Variants in RPAP3 observed in about 807,000 individuals in gnomAD.
RPAP3 encodes RNA polymerase II-associated protein 3.
RPAP3 carries 58 observed loss-of-function variants against 88.8 expected under a neutral mutation model. The ratio of observed to expected loss-of-function variants is 0.65; its 90% confidence interval spans 0.53 to 0.81. RPAP3 has a LOEUF of 0.81. Among genes scored for constraint, RPAP3 ranks in the 40% least tolerant of loss-of-function variants. The pLI is 0.00. For synonymous variants in RPAP3, 255 were observed against 259.9 expected (o/e 0.98, Z 0.18); for missense variants, 751 against 764.3 (o/e 0.98, Z 0.20).
intron 5 of RPAP3, among the ~76,000 whole-genome samples, chr12:47,695,585 T>C (rs1939509561): frequency 6.6e-6 from 1 of 152,184 alleles, no homozygotes; most frequent in Admixed American, 6.5e-5. Context: ...CTCTGTAATT[T>C]ATGTATATGC....
At chr12:47,703,920 T>A (rs994525130) in intron 1 of RPAP3, among the ~76,000 whole-genome samples, 5 of 152,184 alleles carry the variant, frequency 3.3e-5, no homozygotes, top group African/African-American at 1.2e-4. Flanking sequence ...CCGGTAAGAT[T>A]ACTGATGCCA....
intron 9 of RPAP3, among the ~76,000 whole-genome samples, chr12:47,682,495 T>G (rs1483768323): frequency 1.3e-5 from 2 of 152,216 alleles, no homozygotes; most frequent in Non-Finnish European, 2.9e-5. Flanking sequence ...GTTGTGGTTA[T>G]GTATAAAATA....
intron 4 of RPAP3, among the ~76,000 whole-genome samples, chr12:47,697,127 A>T (rs548114828): frequency 6.6e-6 from 1 of 152,378 alleles, no homozygotes; most frequent in Non-Finnish European, 1.5e-5. Flanking sequence ...TATAATAATG[A>T]GGCATCCCTC....
At position 47,662,640 on chromosome 12, in the gene RPAP3, C is replaced by T. The variant is rs765117503; in HGVS notation, c.*865G>A. The T allele has an allele frequency of 6.6e-6, 1 of 152,178 alleles. No individual in the cohort carries two copies. The highest frequency in any genetic ancestry group is 2.1e-4 in the South Asian group (1 of 4,832). The allele number at this position is 152,178 out of a possible 1,614,324, so 9.4% of individuals were successfully genotyped here. On this transcript the variant is annotated 3_prime_UTR_variant, in exon 17 of 17. Transcript: ENST00000005386. ...GCTAGGCTGCTACTTTAAACATTTACTTAATATGATTCTTGCGTCAAATTC... is the reference window on the plus strand; with the variant it reads ...GCTAGGCTGCTACTTTAAACATTTATTTAATATGATTCTTGCGTCAAATTC...
chr12:47,701,463 C>A lies in RPAP3; in HGVS notation c.294+1G>T. ...AGAAGCAAATGACTAGATTAACTTACCACATCAAGTTTTGCCCATGCCTCA... is the reference window on the plus strand; with the variant it reads ...AGAAGCAAATGACTAGATTAACTTAACACATCAAGTTTTGCCCATGCCTCA... On this transcript the variant is annotated splice_donor_variant, in intron 3 of 16. Transcript: ENST00000005386. LOFTEE classifies it high-confidence loss of function. 6.4e-7 allele frequency: 1 copy of A among 1,557,358 alleles called. No homozygotes were observed. The highest frequency in any genetic ancestry group is 8.6e-7 in the Non-Finnish European group (1 of 1,157,560).
intron 16 of RPAP3, chr12:47,664,955 GAAGA>G (rs1182170926): frequency 6.6e-6 from 1 of 152,220 alleles, no homozygotes; most frequent in Non-Finnish European, 1.5e-5. Context: ...GGGGGTCAGT[GAAGA>G]AAGACATCTT....
At chr12:47,684,020 AT>A (rs1272633887) in intron 9 of RPAP3, among the ~76,000 whole-genome samples, 1 of 152,124 alleles carries the variant, frequency 6.6e-6, no homozygotes, top group African/African-American at 2.4e-5. Context: ...CTCTAAATCT[AT>A]GCTTTACTCC....
intron 3 of RPAP3, among the ~76,000 whole-genome samples, chr12:47,698,217 T>C (rs1030912863): frequency 6.6e-6 from 1 of 152,186 alleles, no homozygotes; most frequent in African/African-American, 2.4e-5. Context: ...TTACCCATGT[T>C]TTTCACTTGA....
chr12:47,703,305 A>G (rs1380441258), intron 1 of RPAP3, among the ~76,000 whole-genome samples: 3 of 152,204 alleles, frequency 2.0e-5, no homozygotes, highest in African/African-American at 7.2e-5. Context: ...TAGTAACAAA[A>G]TATGTTAAGC....
chr12:47,674,747 T>C lies in RPAP3; in HGVS notation c.1288-4402A>G, dbSNP rs984857753. ...AGCCTCCAAGAAATATGGGACTATG[T>C]GAAAAGAGCAAATTTACGATTGATT... On this transcript the variant is annotated intron_variant, in intron 12 of 16. Coordinates refer to ENST00000005386, the MANE Select transcript of RPAP3 (RefSeq NM_024604.3). Among the ~76,000 whole-genome samples, 118 of 151,970 alleles carry C rather than the reference T, an allele frequency of 7.8e-4. 1 individual carries two copies. Among genetic ancestry groups the C allele is most frequent in the Non-Finnish European group, 2.2e-4 (15 of 67,982 alleles).
At chr12:47,665,291 AT>A (rs1938847641) in intron 16 of RPAP3, among the ~76,000 whole-genome samples, 2 of 129,854 alleles carry the variant, frequency 1.5e-5, no homozygotes, top group Admixed American at 1.5e-4. Flanking sequence ...TTTTTTTTGT[AT>A]TTTTAGTAGA....
intron 12 of RPAP3, among the ~76,000 whole-genome samples, chr12:47,672,367 T>A (rs553342925): frequency 5.3e-5 from 8 of 152,364 alleles, no homozygotes; most frequent in African/African-American, 1.9e-4. Flanking sequence ...CTTTCTCTGG[T>A]GACCAGGTGG....
intron 1 of RPAP3, among the ~76,000 whole-genome samples, chr12:47,704,598 G>C (rs889154718): frequency 4.0e-5 from 6 of 151,272 alleles, no homozygotes; most frequent in Non-Finnish European, 7.4e-5. Context: ...GGCTGGTCTC[G>C]AACTCCTGAC....
intron 16 of RPAP3, among the ~76,000 whole-genome samples, chr12:47,664,404 T>C (rs1938824374): frequency 6.6e-6 from 1 of 151,728 alleles, no homozygotes; most frequent in East Asian, 1.9e-4. Flanking sequence ...AATAAATAAA[T>C]AAATAAATAA....
At chr12:47,666,895 G>GT in intron 16 of RPAP3, 85 bp downstream of exon 16, 1 of 541,030 alleles carries the variant, frequency 1.8e-6, no homozygotes, top group East Asian at 3.5e-5. Flanking sequence ...TACACAATAA[G>GT]TAGTCAATAA....
At position 47,667,059 on chromosome 12, in the gene RPAP3, G is replaced by C; in HGVS notation, c.1833C>G (p.Ile611Met). ...FYIEKEKPLLIFEILQRLSEL... is the reference protein window; with the variant it reads ...FYIEKEKPLLMFEILQRLSEL... The stretch of plus-strand genomic sequence containing the variant: ...CAGAAAGTCTTTGTAAGATTTCAAA[G>C]ATGAGTAATGGCTTTTCTTTCCTGA... The change falls in exon 16 of 17, where the codon ATC becomes ATG. Residue 611 changes from isoleucine to methionine, a missense_variant. Ile to Met is a conservative substitution (Grantham distance 10). Coordinates refer to ENST00000005386, the MANE Select transcript of RPAP3 (RefSeq NM_024604.3). 2 of 1,497,760 alleles carry C rather than the reference G, an allele frequency of 1.3e-6. No individual in the cohort carries two copies. The highest frequency in any genetic ancestry group is 1.4e-5 in the South Asian group (1 of 73,840). 92.8% of individuals were successfully genotyped at this position (1,497,760 alleles called of 1,614,324 possible).
intron 9 of RPAP3, among the ~76,000 whole-genome samples, chr12:47,682,102 C>T (rs117976286): frequency 4.9e-4 from 74 of 152,248 alleles, no homozygotes; most frequent in Non-Finnish European, 7.9e-4. Flanking sequence ...AAGAATGCCA[C>T]TGCTTCTCTG....
chr12:47,697,214 A>G (rs904563322), intron 4 of RPAP3, among the ~76,000 whole-genome samples: 7 of 152,354 alleles, frequency 4.6e-5, no homozygotes, highest in African/African-American at 1.7e-4. Flanking sequence ...TATTTACGCC[A>G]AGAATCACAC....
intron 12 of RPAP3, among the ~76,000 whole-genome samples, chr12:47,676,791 C>T (rs1273297698): frequency 3.3e-5 from 5 of 152,176 alleles, no homozygotes; most frequent in Admixed American, 3.3e-4. Flanking sequence ...GACGGATTCA[C>T]AGCTGAATTC....
Sources: gnomAD v4.1 joint callset for allele counts (sites outside exome capture counted in the v4.1 genomes callset) on GRCh38, gnomAD v4.1.1 for gene constraint, MANE v1.5 for transcripts, NCBI Gene and HGNC (gene_info 2026-07-23, HGNC 2026-07-21) for gene names.